MCTP2: variants seen among roughly 807,000 people sequenced by gnomAD.
The protein encoded by MCTP2 is multiple C2 and transmembrane domain-containing protein 2.
Under a neutral mutation model 111.6 loss-of-function variants are expected in MCTP2, and 132 were observed. The ratio of observed to expected loss-of-function variants is 1.18; its 90% CI spans 1.03 to 1.37. The LOEUF (loss-of-function observed/expected upper bound fraction) is 1.37, where lower values mean the gene tolerates loss of function less well. MCTP2 is among the 40% of genes most tolerant of loss of function. The probability of loss-of-function intolerance (pLI) is 0.00; values close to 1 mark genes in which losing one functional copy is unlikely to be tolerated. For synonymous variants in MCTP2, 395 were observed against 387.7 expected (o/e 1.02, Z -0.22); for missense variants, 1,183 against 1,067.9 (o/e 1.11, Z -1.50).
intron 1 of MCTP2, among the ~76,000 whole-genome samples, chr15:94,233,341 A>G (rs541774349): frequency 3.3e-5 from 5 of 152,120 alleles, no homozygotes; most frequent in Non-Finnish European, 5.9e-5. Flanking sequence ...GTCTCTTAAC[A>G]TATTTTGAAA....
At chr15:94,394,145 A>G (rs561405375) in intron 14 of MCTP2, among the ~76,000 whole-genome samples, 14 of 152,192 alleles carry the variant, frequency 9.2e-5, no homozygotes, top group Admixed American at 7.8e-4. Context: ...ATGGTCGAGA[A>G]TGTAAATGCT....
At chr15:94,448,816 T>G (rs1032979272) in intron 19 of MCTP2, among the ~76,000 whole-genome samples, 9 of 152,230 alleles carry the variant, frequency 5.9e-5, no homozygotes, top group Non-Finnish European at 1.2e-4. Flanking sequence ...CTATGTCTTT[T>G]GTATTTAAAA....
At chr15:94,472,572 T>C (rs991437060) in intron 21 of MCTP2, among the ~76,000 whole-genome samples, 1 of 152,224 alleles carries the variant, frequency 6.6e-6, no homozygotes, top group African/African-American at 2.4e-5. Context: ...TTCCACTTTA[T>C]GGATAAAGTT....
chr15:94,340,374 A>T (rs557258021), intron 6 of MCTP2, 99 bp downstream of exon 6: 90 of 852,094 alleles, frequency 1.1e-4, no homozygotes, highest in Non-Finnish European at 1.6e-4. Context: ...CAAAAATAAC[A>T]TATCTGAACA....
chr15:94,243,250 C>T (rs1444614910), intron 1 of MCTP2, among the ~76,000 whole-genome samples: 3 of 147,854 alleles, frequency 2.0e-5, no homozygotes, highest in Admixed American at 2.0e-4. Context: ...TGCGTATATG[C>T]GTATATACAT....
rs535664937 is a variant in MCTP2 at position 94,245,230 on chromosome 15, A to ATG, written c.-66+13568_-66+13569dup. ...TTTATACATATGTGTATATATACATATGTATGTATATATACACATATGTAT... is the reference window on the plus strand; with the variant it reads ...TTTATACATATGTGTATATATACATATGTGTATGTATATATACACATATGTAT... On this transcript the variant is annotated intron_variant, in intron 1 of 22. Transcript: ENST00000357742. Among the ~76,000 whole-genome samples, 5 of 141,124 alleles carry ATG rather than the reference A, an allele frequency of 3.5e-5. 1 individual carries two copies. The South Asian group carries it at 6.5e-4, about 18-fold the overall frequency. 92.6% of individuals were successfully genotyped at this position (141,124 alleles called of 152,430 possible).
At chr15:94,435,073 A>C (rs2083397335) in intron 17 of MCTP2, among the ~76,000 whole-genome samples, 2 of 151,978 alleles carry the variant, frequency 1.3e-5, no homozygotes, top group African/African-American at 4.8e-5. Flanking sequence ...CATGTTGGCC[A>C]AGGCTGGTCC....
chr15:94,302,940 A>G (rs908130011), intron 2 of MCTP2, among the ~76,000 whole-genome samples: 1 of 151,696 alleles, frequency 6.6e-6, no homozygotes, highest in African/African-American at 2.4e-5. Flanking sequence ...AGGCCTCACA[A>G]TCATGGCAGA....
intron 12 of MCTP2, among the ~76,000 whole-genome samples, chr15:94,380,780 G>C (rs1025442750): frequency 1.4e-5 from 2 of 140,620 alleles, no homozygotes; most frequent in African/African-American, 4.9e-5. Flanking sequence ...AAAAAAAAAA[G>C]GGGGGGTTAT....
chr15:94,320,135 A>T lies in MCTP2; in HGVS notation c.637+4498A>T, dbSNP rs939986420. Among the ~76,000 whole-genome samples, 57 of 131,980 alleles carry T rather than the reference A, an allele frequency of 4.3e-4. 1 individual carries two copies. The highest frequency in any genetic ancestry group is 9.4e-5 in the Non-Finnish European group (6 of 63,874). The allele number at this position is 131,980 out of a possible 152,430, so 86.6% of individuals were successfully genotyped here. ...GCTGTATTAGGAGGGAGAATAGTTT[A>T]TTAATCTTTTTTTTTTTTTTTTTTT... On this transcript the variant is annotated intron_variant, in intron 4 of 22. Transcript: ENST00000357742.
chr15:94,414,968 T>A (rs770860426), intron 17 of MCTP2, among the ~76,000 whole-genome samples: 3 of 152,140 alleles, frequency 2.0e-5, no homozygotes, highest in Admixed American at 2.0e-4. Flanking sequence ...ATGGTGTCTT[T>A]CCTGCTTTTT....
At chr15:94,309,810 G>A (rs1225775123) in intron 2 of MCTP2, among the ~76,000 whole-genome samples, 1 of 152,054 alleles carries the variant, frequency 6.6e-6, no homozygotes, top group Non-Finnish European at 1.5e-5. Context: ...GTTTAGCAAG[G>A]CAGAATGGAA....
At chr15:94,328,587 T>G (rs12908137) in intron 4 of MCTP2, among the ~76,000 whole-genome samples, 76,658 of 152,068 alleles carry the variant, frequency 0.5, 19,491 homozygotes, top group African/African-American at 0.56. Flanking sequence ...TTTACTCATG[T>G]CTGAGTTTTG....
intron 17 of MCTP2, chr15:94,403,166 T>A: frequency 1.0e-6 from 1 of 985,754 alleles, no homozygotes; most frequent in South Asian, 4.7e-5. Context: ...GGACCTATGC[T>A]GCCTGTAGGC....
intron 20 of MCTP2, among the ~76,000 whole-genome samples, chr15:94,460,028 T>C (rs1373699515): frequency 6.6e-6 from 1 of 152,230 alleles, no homozygotes; most frequent in Non-Finnish European, 1.5e-5. Flanking sequence ...AGTAGCTATG[T>C]AGCTTGGATT....
At chr15:94,306,249 T>C (rs1596316104) in intron 2 of MCTP2, among the ~76,000 whole-genome samples, 1 of 152,330 alleles carries the variant, frequency 6.6e-6, no homozygotes, top group East Asian at 1.9e-4. Context: ...TAGAAAAATA[T>C]GAAGGTCTTA....
chr15:94,410,726 G>A (rs2082115743), intron 17 of MCTP2, among the ~76,000 whole-genome samples: 1 of 152,320 alleles, frequency 6.6e-6, no homozygotes, highest in African/African-American at 2.4e-5. Context: ...TACTGCTTAG[G>A]ATAATGTTGG....
chr15:94,240,443 C>T (rs1424447813), intron 1 of MCTP2, among the ~76,000 whole-genome samples: 2 of 152,132 alleles, frequency 1.3e-5, no homozygotes, highest in Non-Finnish European at 2.9e-5. Flanking sequence ...AATTATTTCA[C>T]CCCAAGACTT....
chr15:94,367,784 A>G lies in MCTP2; in HGVS notation c.1481A>G (p.Gln494Arg), dbSNP rs747521530. The change falls in exon 11 of 23, where the codon CAG (glutamine) becomes CGG (arginine). Residue 494 changes from glutamine (Q) to arginine (R), a missense_variant. Transcript: ENST00000357742. ...CTCAGCGAAAGAAAGCAGATTACCC[A>G]GCGATATGTGAGTGTTTTTCCTTAT... ...ADLSERKQITQRYCLQNSLKD... is the reference protein window; with the variant it reads ...ADLSERKQITRRYCLQNSLKD... 1.9e-5 allele frequency: 30 copies of G among 1,599,438 alleles called. No individual in the cohort carries two copies. The highest frequency in any genetic ancestry group is 2.4e-5 in the Non-Finnish European group (28 of 1,174,210).
Sources: allele counts gnomAD v4.1 joint callset (sites outside exome capture counted in the v4.1 genomes callset), GRCh38; gene constraint gnomAD v4.1.1; transcripts MANE v1.5; gene names NCBI Gene and HGNC (gene_info 2026-07-23, HGNC 2026-07-21).